Variants in KLHL1 observed in about 807,000 individuals in gnomAD.
The protein encoded by KLHL1 is kelch-like protein 1.
KLHL1 carries 47 observed loss-of-function variants against 77.7 expected under a neutral mutation model. The observed-to-expected ratio is 0.60, with a 90% CI of 0.48 to 0.77. The LOEUF is 0.77. Ranked by LOEUF, KLHL1 falls within the 30% of genes least tolerant of loss-of-function variation. The probability of loss-of-function intolerance (pLI) is 0.00; values close to 1 mark genes in which losing one functional copy is unlikely to be tolerated. For missense variants in KLHL1, 925 were observed against 910.8 expected, an observed-to-expected ratio of 1.02 and a Z score of -0.20; for synonymous variants, 360 against 325.2, an observed-to-expected ratio of 1.11 and a Z score of -1.15.
chr13:69,810,560 C>T (rs1877829865), intron 6 of KLHL1, among the ~76,000 whole-genome samples: 1 of 151,990 alleles, frequency 6.6e-6, no homozygotes, highest in Non-Finnish European at 1.5e-5. Flanking sequence ...GTTTATAGTG[C>T]TGAACATCTA....
intron 6 of KLHL1, among the ~76,000 whole-genome samples, chr13:69,832,472 C>T (rs1361756212): frequency 6.7e-6 from 1 of 149,834 alleles, no homozygotes; most frequent in Non-Finnish European, 1.5e-5. Flanking sequence ...CAAATGGAAA[C>T]ACATCCCATG....
intron 5 of KLHL1, among the ~76,000 whole-genome samples, chr13:69,860,200 G>A (rs1254967598): frequency 6.6e-6 from 1 of 152,034 alleles, no homozygotes; most frequent in African/African-American, 2.4e-5. Context: ...AGGTACAATT[G>A]AAGATATGGA....
At chr13:69,786,980 A>AAAAC (rs909789806) in intron 7 of KLHL1, among the ~76,000 whole-genome samples, 9 of 152,220 alleles carry the variant, frequency 5.9e-5, no homozygotes, top group African/African-American at 2.2e-4. Flanking sequence ...GGAGAATTAC[A>AAAAC]AAACAAACAC....
intron 1 of KLHL1, among the ~76,000 whole-genome samples, chr13:70,010,022 CAAG>C (rs1479929524): frequency 6.7e-6 from 1 of 148,468 alleles, no homozygotes; most frequent in Non-Finnish European, 1.5e-5. Flanking sequence ...AAGTGCATTA[CAAG>C]AAGGAGAAAA....
At chr13:69,909,816 T>C (rs918449225) in intron 4 of KLHL1, among the ~76,000 whole-genome samples, 7 of 152,088 alleles carry the variant, frequency 4.6e-5, no homozygotes, top group African/African-American at 1.4e-4. Flanking sequence ...CACTAATTAA[T>C]GTGTCATTAT....
At chr13:69,914,663 A>G (rs1882359976) in intron 4 of KLHL1, among the ~76,000 whole-genome samples, 1 of 152,206 alleles carries the variant, frequency 6.6e-6, no homozygotes, top group Non-Finnish European at 1.5e-5. Context: ...TCTGCACTGT[A>G]TTCATGTGCT....
At chr13:69,992,671 C>T (rs117362860) in intron 1 of KLHL1, among the ~76,000 whole-genome samples, 2,844 of 152,054 alleles carry the variant, frequency 0.019, 32 homozygotes, top group Non-Finnish European at 0.026. Flanking sequence ...CCTTATTTTA[C>T]TTCATTATTC....
intron 2 of KLHL1, 129 bp downstream of exon 2, chr13:69,975,491 C>A: frequency 1.1e-5 from 9 of 783,224 alleles, no homozygotes; most frequent in South Asian, 6.0e-5. Context: ...CAAACAACAA[C>A]AACAACAAAA....
At chr13:69,853,396 C>A (rs979172519) in intron 5 of KLHL1, among the ~76,000 whole-genome samples, 11 of 151,974 alleles carry the variant, frequency 7.2e-5, no homozygotes, top group African/African-American at 2.2e-4. Context: ...CTCCTTCCAC[C>A]ATGATTGTAA....
intron 4 of KLHL1, among the ~76,000 whole-genome samples, chr13:69,926,965 A>AAAAAAAAAAAAAAC (rs1306859841): frequency 6.7e-6 from 1 of 149,560 alleles, no homozygotes. Context: ...AAAAAAAAAA[A>AAAAAAAAAAAAAAC]AAAAAGCAGA....
chr13:70,108,124 G>C lies in KLHL1; in HGVS notation c.-425C>G. 2.5e-6 allele frequency: 1 copy of C among 407,108 alleles called. No individual in the cohort carries two copies. Among genetic ancestry groups the C allele is most frequent in the Non-Finnish European group, 4.3e-6 (1 of 230,982 alleles). The allele number at this position is 407,108 out of a possible 1,614,324, so 25.2% of individuals were successfully genotyped here. On this transcript the variant is annotated 5_prime_UTR_variant, in exon 1 of 11. Transcript: ENST00000377844. ...ATACACCTCACTGGGATGCGCTTGT[G>C]GCAGAGCCTTAGTAGGGAAGGTGGT...
chr13:69,957,500 C>T (rs765324461), intron 3 of KLHL1, among the ~76,000 whole-genome samples: 12 of 151,700 alleles, frequency 7.9e-5, no homozygotes, highest in Non-Finnish European at 1.3e-4. Context: ...GAGGATAGCA[C>T]ATCCAGATAA....
intron 4 of KLHL1, among the ~76,000 whole-genome samples, chr13:69,896,084 T>C (rs2138217762): frequency 6.6e-6 from 1 of 152,098 alleles, no homozygotes; most frequent in East Asian, 1.9e-4. Flanking sequence ...TGAGGTCCCC[T>C]TTTTCTTGGT....
intron 6 of KLHL1, among the ~76,000 whole-genome samples, chr13:69,823,076 T>A (rs539520049): frequency 6.6e-6 from 1 of 152,124 alleles, no homozygotes; most frequent in Non-Finnish European, 1.5e-5. Flanking sequence ...TCACCTCCGA[T>A]GGATAGAGGT....
intron 1 of KLHL1, among the ~76,000 whole-genome samples, chr13:70,077,869 T>TGGATA (rs1887301551): frequency 6.6e-6 from 1 of 152,032 alleles, no homozygotes; most frequent in African/African-American, 2.4e-5. Flanking sequence ...GAAAAACCTC[T>TGGATA]GGATATGTTC....
At chr13:69,904,118 AAAG>A (rs894046917) in intron 4 of KLHL1, among the ~76,000 whole-genome samples, 1 of 151,048 alleles carries the variant, frequency 6.6e-6, no homozygotes, top group African/African-American at 2.4e-5. Flanking sequence ...AAGTGATCTT[AAAG>A]AAGATTCATG....
chr13:69,875,118 G>C (rs370831784), intron 5 of KLHL1, among the ~76,000 whole-genome samples: 1 of 152,118 alleles, frequency 6.6e-6, no homozygotes, highest in East Asian at 1.9e-4. Context: ...AATCAACTGT[G>C]TCAAACACAA....
chr13:69,785,237 T>C (rs1035099374), intron 7 of KLHL1, among the ~76,000 whole-genome samples: 1 of 152,068 alleles, frequency 6.6e-6, no homozygotes, highest in Middle Eastern at 3.4e-3. Context: ...TATTCCAAAA[T>C]AGACCACATA....
At chr13:69,747,700 A>G (rs1054513407) in intron 7 of KLHL1, among the ~76,000 whole-genome samples, 1 of 152,022 alleles carries the variant, frequency 6.6e-6, no homozygotes, top group Non-Finnish European at 1.5e-5. Context: ...TCTTTAGGAG[A>G]AAGTTTTAGC....
Sources: gnomAD v4.1 joint callset for allele counts (sites outside exome capture counted in the v4.1 genomes callset) on GRCh38, gnomAD v4.1.1 for gene constraint, MANE v1.5 for transcripts, NCBI Gene and HGNC (gene_info 2026-07-23, HGNC 2026-07-21) for gene names.